Variants in PTPRN2 observed in about 807,000 individuals in gnomAD.
PTPRN2 encodes the protein protein tyrosine phosphatase receptor type N2.
In PTPRN2, 74 loss-of-function variants were observed where a neutral mutation model predicts 118.8. The ratio of observed to expected loss-of-function variants is 0.62; its 90% CI spans 0.52 to 0.76. The LOEUF (loss-of-function observed/expected upper bound fraction) is 0.76, where lower values mean the gene tolerates loss of function less well. Ranked by LOEUF, PTPRN2 falls within the 30% of genes least tolerant of loss-of-function variation. The pLI is 0.00. For synonymous variants in PTPRN2, 641 were observed against 608.0 expected (o/e 1.05, Z -0.80); for missense variants, 1,481 against 1,394.4 (o/e 1.06, Z -0.99).
chr7:157,541,955 G>A (rs1798034014), intron 22 of PTPRN2, among the ~76,000 whole-genome samples: 3 of 152,182 alleles, frequency 2.0e-5, no homozygotes, highest in South Asian at 2.1e-4. Context: ...GTGTGGCCAC[G>A]CGGCCTCTTA....
intron 2 of PTPRN2, among the ~76,000 whole-genome samples, chr7:158,374,207 G>GA (rs1563215582): frequency 6.6e-6 from 1 of 152,192 alleles, no homozygotes; most frequent in Non-Finnish European, 1.5e-5. Context: ...CAGCAGTGAA[G>GA]GGGAAGAGCT....
At chr7:158,324,283 A>G (rs561958718) in intron 2 of PTPRN2, among the ~76,000 whole-genome samples, 6 of 152,174 alleles carry the variant, frequency 3.9e-5, no homozygotes, top group Non-Finnish European at 7.3e-5. Context: ...CCCCCACAGC[A>G]TCTGGTACAG....
At chr7:157,720,563 G>T (rs532126433) in intron 12 of PTPRN2, among the ~76,000 whole-genome samples, 5 of 152,344 alleles carry the variant, frequency 3.3e-5, no homozygotes, top group South Asian at 2.1e-4. Context: ...CTGCGGCCCC[G>T]GCTGCACCGA....
At chr7:157,639,311 C>T (rs954686129) in intron 14 of PTPRN2, among the ~76,000 whole-genome samples, 7 of 152,204 alleles carry the variant, frequency 4.6e-5, no homozygotes, top group Non-Finnish European at 7.3e-5. Context: ...GTTGGGGTTA[C>T]AGGTGTAAGC....
intron 19 of PTPRN2, chr7:157,574,479 C>A: frequency 2.1e-6 from 1 of 482,652 alleles, no homozygotes; most frequent in Non-Finnish European, 4.5e-6. Flanking sequence ...TTAGTGAGCA[C>A]CATTGCACAC....
At chr7:157,641,771 G>A (rs914091328) in intron 14 of PTPRN2, among the ~76,000 whole-genome samples, 4 of 152,122 alleles carry the variant, frequency 2.6e-5, no homozygotes, top group East Asian at 1.9e-4. Flanking sequence ...TTCTGCAAAC[G>A]TACACAAATA....
chr7:157,958,797 A>G (rs2128807877), intron 11 of PTPRN2, among the ~76,000 whole-genome samples: 1 of 152,358 alleles, frequency 6.6e-6, no homozygotes, highest in Non-Finnish European at 1.5e-5. Context: ...ACGTATTATA[A>G]GGCTCATTAT....
chr7:158,177,950 A>G (rs964945341), intron 5 of PTPRN2, among the ~76,000 whole-genome samples: 4 of 152,214 alleles, frequency 2.6e-5, no homozygotes, highest in African/African-American at 7.2e-5. Flanking sequence ...CGTTTTCCAA[A>G]TCGTTGTTAA....
chr7:157,775,736 C>A (rs987086998), intron 12 of PTPRN2, among the ~76,000 whole-genome samples: 6 of 152,104 alleles, frequency 3.9e-5, no homozygotes, highest in African/African-American at 1.4e-4. Context: ...GCTGGGGCAT[C>A]CAGGGTTTCC....
rs1215455729 is a variant in PTPRN2 at position 158,352,165 on chromosome 7, C to T, written c.164-35233G>A. The stretch of plus-strand genomic sequence containing the variant: ...CGCTCCCCTCCTGACTGCTCCCCTC[C>T]TGACCGCTCCCCTCCTGTCCGCTCC... On this transcript the variant is annotated intron_variant, in intron 2 of 22. Transcript: ENST00000389418. 3.7e-4 allele frequency among the ~76,000 whole-genome samples: 2 copies of T among 5,400 alleles called. 1 individual carries two copies. The highest frequency in any genetic ancestry group is 7.4e-4 in the Non-Finnish European group (2 of 2,694). The allele number at this position is 5,400 out of a possible 152,430, so 3.5% of individuals were successfully genotyped here. A position where few individuals can be genotyped will look rare whatever the true frequency, so the allele number is the denominator to read the frequency against.
rs1363587080 is a variant in PTPRN2, at chr7:158,574,646, A to G, written c.112+12912T>C. ...GATTTTCAGTTGTGGCAGTTACTCT[A>G]GCCAGAACTGGAAGGTGGCATGGAA... is the stretch of plus-strand genomic sequence containing the variant. On this transcript the variant is annotated intron_variant, in intron 1 of 22. Coordinates refer to ENST00000389418, the MANE Select transcript of PTPRN2 (RefSeq NM_002847.5). The surrounding 1 kb of genome is among the most constrained non-coding windows in gnomAD (Gnocchi z 4.6). Among the ~76,000 whole-genome samples, 1 of 152,228 alleles carries G rather than the reference A, an allele frequency of 6.6e-6. No homozygotes were observed. The highest frequency in any genetic ancestry group is 2.4e-5 in the African/African-American group (1 of 41,470).
chr7:157,879,435 G>A (rs1235790628), intron 12 of PTPRN2, among the ~76,000 whole-genome samples: 4 of 152,170 alleles, frequency 2.6e-5, no homozygotes, highest in Admixed American at 6.5e-5. Context: ...ACAGAGCAAC[G>A]TCCTGCAGCT....
intron 4 of PTPRN2, among the ~76,000 whole-genome samples, chr7:158,199,121 C>T (rs1039471908): frequency 2.6e-5 from 4 of 152,020 alleles, no homozygotes; most frequent in African/African-American, 9.7e-5. Flanking sequence ...GTTCTCAGCT[C>T]CTCCTTAGAC....
intron 2 of PTPRN2, among the ~76,000 whole-genome samples, chr7:158,323,210 C>A (rs951502658): frequency 1.4e-4 from 22 of 152,216 alleles, no homozygotes; most frequent in African/African-American, 4.6e-4. Context: ...CCTGGAACTC[C>A]GATATCAGGG....
intron 11 of PTPRN2, among the ~76,000 whole-genome samples, chr7:158,075,783 C>T (rs1812309621): frequency 6.6e-6 from 1 of 152,368 alleles, no homozygotes; most frequent in African/African-American, 2.4e-5. Context: ...TCGTCAACCT[C>T]ATGGCTGCGG....
rs1825060402 is a variant in PTPRN2, at chr7:158,529,570, A to G, written c.113-39785T>C. 6.6e-6 allele frequency among the ~76,000 whole-genome samples: 1 copy of G among 152,248 alleles called. No homozygotes were observed. Among genetic ancestry groups the G allele is most frequent in the African/African-American group, 2.4e-5 (1 of 41,462 alleles). ...TTAGATATTTTGTGCATTTTTGACC[A>G]AAATGAGTCAAATGTGGGGAGAGTG... is the stretch of plus-strand genomic sequence containing the variant. On this transcript the variant is annotated intron_variant, in intron 1 of 22. Coordinates refer to ENST00000389418, the MANE Select transcript of PTPRN2 (RefSeq NM_002847.5). This position sits in a 1 kb window ranked among gnomAD's most constrained non-coding sequence, Gnocchi z 4.7.
chr7:157,670,569 T>C (rs888761762), intron 13 of PTPRN2, among the ~76,000 whole-genome samples: 1 of 152,214 alleles, frequency 6.6e-6, no homozygotes, highest in Non-Finnish European at 1.5e-5. Flanking sequence ...CCACGATGCC[T>C]GCAACCCTTC....
At position 157,788,389 on chromosome 7, in the gene PTPRN2, AAAAG is replaced by A. The variant is rs1391499081; in HGVS notation, c.1789-105456_1789-105453del. Among the ~76,000 whole-genome samples the A allele has an allele frequency of 3.8e-4, 58 of 151,782 alleles. 1 individual carries two copies. In the East Asian group the frequency reaches 0.01, roughly 27 times the overall value. ...GACTCCATCTCAAAAAAAAAAAAAAAAAAGAAAGTACAGGAAGCTTTCAGCCTCC... is the reference window on the plus strand; with the variant it reads ...GACTCCATCTCAAAAAAAAAAAAAAAAAAGTACAGGAAGCTTTCAGCCTCC... On this transcript the variant is annotated intron_variant, in intron 12 of 22. Transcript: ENST00000389418.
chr7:157,948,361 T>G (rs2128798520), intron 11 of PTPRN2, among the ~76,000 whole-genome samples: 1 of 152,310 alleles, frequency 6.6e-6, no homozygotes, highest in Admixed American at 6.5e-5. Flanking sequence ...TGAAGCTAAG[T>G]TGGTATAAAT....
Sources: allele counts gnomAD v4.1 joint callset (sites outside exome capture counted in the v4.1 genomes callset), GRCh38; gene constraint gnomAD v4.1.1; non-coding constraint Gnocchi (gnomAD v3.1); transcripts MANE v1.5; gene names NCBI Gene and HGNC (gene_info 2026-07-23, HGNC 2026-07-21).